The following SLC14A2 variants were observed in gnomAD, a reference collection of about 807,000 sequenced individuals.
SLC14A2 encodes urea transporter 2.
A neutral mutation model predicts 104.6 loss-of-function variants in SLC14A2; 91 were observed. That is an observed-to-expected ratio of 0.87 (90% CI 0.73 to 1.04). The LOEUF (loss-of-function observed/expected upper bound fraction) is 1.04, where lower values mean the gene tolerates loss of function less well. Ranked by LOEUF, SLC14A2 falls within the 50% of genes least tolerant of loss-of-function variation. SLC14A2 has a pLI of 0.00. For missense variants in SLC14A2, 1,189 were observed against 1,156.0 expected, an observed-to-expected ratio of 1.03 and a Z score of -0.41; for synonymous variants, 476 against 466.4, an observed-to-expected ratio of 1.02 and a Z score of -0.27.
At chr18:45,500,464 C>T (rs1455850460) in intron 2 of SLC14A2, among the ~76,000 whole-genome samples, 3 of 151,396 alleles carry the variant, frequency 2.0e-5, no homozygotes, top group Non-Finnish European at 4.4e-5. Flanking sequence ...GTAGTCCCAG[C>T]TACTCGGGAG....
At chr18:45,189,556 G>A in the SLC14A2 span, among the ~76,000 whole-genome samples, 6 of 152,160 alleles carry the variant, frequency 3.9e-5, no homozygotes, top group Admixed American at 1.3e-4. Context: ...TGATTGAGAC[G>A]CTGGGTCTTG....
rs561796486 is a variant in SLC14A2, at chr18:45,262,037, A to G, written c.-125+48846A>G. ...ACAGTCCCACCAACAGTGTAAAAGCATTCCTATTTCTCCACATCCTCTCCA... is the reference window on the plus strand; with the variant it reads ...ACAGTCCCACCAACAGTGTAAAAGCGTTCCTATTTCTCCACATCCTCTCCA... On this transcript the variant is annotated intron_variant, in intron 1 of 20. Transcript: ENST00000586448. 7.3e-3 allele frequency among the ~76,000 whole-genome samples: 1,118 copies of G among 152,224 alleles called. 5 individuals carry two copies. Among genetic ancestry groups the G allele is most frequent in the African/African-American group, 0.018 (757 of 41,530 alleles).
At chr18:45,257,556 G>A (rs1357845017) in intron 1 of SLC14A2, among the ~76,000 whole-genome samples, 1 of 152,142 alleles carries the variant, frequency 6.6e-6, no homozygotes, top group African/African-American at 2.4e-5. Flanking sequence ...ATTAAAATAT[G>A]CAAGTCATGA....
At chr18:45,331,694 A>G (rs1346122592) in intron 1 of SLC14A2, among the ~76,000 whole-genome samples, 1 of 151,922 alleles carries the variant, frequency 6.6e-6, no homozygotes, top group Non-Finnish European at 1.5e-5. Flanking sequence ...CCGTCTCAAA[A>G]AAAAAAAAAA....
At chr18:45,417,312 C>A (rs1568191584) in intron 1 of SLC14A2, among the ~76,000 whole-genome samples, 1 of 152,070 alleles carries the variant, frequency 6.6e-6, no homozygotes, top group Non-Finnish European at 1.5e-5. Flanking sequence ...GGTCCCTAGA[C>A]CTTATTTCTT....
intron 1 of SLC14A2, among the ~76,000 whole-genome samples, chr18:45,474,923 T>C (rs1378835723): frequency 6.6e-6 from 1 of 152,186 alleles, no homozygotes; most frequent in Non-Finnish European, 1.5e-5. Flanking sequence ...TTGCTAGCTT[T>C]TGAATTTGTT....
At chr18:45,285,116 A>C (rs2084800383) in intron 1 of SLC14A2, among the ~76,000 whole-genome samples, 1 of 152,106 alleles carries the variant, frequency 6.6e-6, no homozygotes, top group South Asian at 2.1e-4. Context: ...TTATGTAACT[A>C]TTGTTCCTCA....
At chr18:45,306,084 G>A (rs879676767) in intron 1 of SLC14A2, among the ~76,000 whole-genome samples, 5 of 152,124 alleles carry the variant, frequency 3.3e-5, no homozygotes, top group African/African-American at 4.8e-5. Flanking sequence ...TAGAACAGCC[G>A]CGTCTTCCTT....
chr18:45,440,937 C>T (rs1406791196), intron 1 of SLC14A2, among the ~76,000 whole-genome samples: 1 of 152,106 alleles, frequency 6.6e-6, no homozygotes, highest in Non-Finnish European at 1.5e-5. Context: ...TAAACAGCAT[C>T]CTCCCTGAGG....
chr18:45,418,906 G>T (rs1000928576), intron 1 of SLC14A2, among the ~76,000 whole-genome samples: 1 of 152,036 alleles, frequency 6.6e-6, no homozygotes, highest in Non-Finnish European at 1.5e-5. Context: ...GAGGGGAGAG[G>T]GTCCACTCCT....
intron 10 of SLC14A2, among the ~76,000 whole-genome samples, chr18:45,653,902 G>GC (rs2045784168): frequency 6.6e-6 from 1 of 152,186 alleles, no homozygotes; most frequent in African/African-American, 2.4e-5. Flanking sequence ...AGGCAAATTG[G>GC]CCCCCTGAGG....
the SLC14A2 span, among the ~76,000 whole-genome samples, chr18:45,173,981 G>A: frequency 6.6e-6 from 1 of 152,182 alleles, no homozygotes; most frequent in South Asian, 2.1e-4. Context: ...CTGAATTGGT[G>A]GTCATATATT....
chr18:45,667,296 C>A (rs190404137), intron 13 of SLC14A2, among the ~76,000 whole-genome samples: 3 of 152,284 alleles, frequency 2.0e-5, no homozygotes, highest in Non-Finnish European at 4.4e-5. Flanking sequence ...GCAATACATG[C>A]AAGAGTGTGA....
At position 45,652,673 on chromosome 18, in the gene SLC14A2, T is replaced by C. The variant is rs183089385; in HGVS notation, c.1351+8513T>C. Among the ~76,000 whole-genome samples, 583 of 152,338 alleles carry C rather than the reference T, an allele frequency of 3.8e-3. 2 individuals are homozygous for C. Among genetic ancestry groups the C allele is most frequent in the Non-Finnish European group, 6.8e-3 (460 of 68,030 alleles). ...AGAAAACCTTGTTCTGAAGCGAATT[T>C]CAATTGAGCCTTCAAATAAAGAGTG... On this transcript the variant is annotated intron_variant, in intron 10 of 19. Transcript: ENST00000255226.
chr18:45,618,737 T>C (rs2045116010), intron 1 of SLC14A2, among the ~76,000 whole-genome samples: 2 of 144,860 alleles, frequency 1.4e-5, no homozygotes, highest in Admixed American at 6.9e-5. Flanking sequence ...CATCCCCAGA[T>C]GACCAGGGGA....
At chr18:45,292,571 A>G (rs986190270) in intron 1 of SLC14A2, among the ~76,000 whole-genome samples, 4 of 152,202 alleles carry the variant, frequency 2.6e-5, no homozygotes, top group Non-Finnish European at 5.9e-5. Flanking sequence ...TTGTGGGGGC[A>G]GTTGTACCCA....
At chr18:45,170,412 T>C in the SLC14A2 span, among the ~76,000 whole-genome samples, 1 of 152,180 alleles carries the variant, frequency 6.6e-6, no homozygotes, top group Non-Finnish European at 1.5e-5. Flanking sequence ...TGAAAGGAAG[T>C]TAAAGTAAAG....
intron 1 of SLC14A2, among the ~76,000 whole-genome samples, chr18:45,393,186 T>C (rs1415022758): frequency 6.6e-6 from 1 of 152,210 alleles, no homozygotes; most frequent in Non-Finnish European, 1.5e-5. Flanking sequence ...AGCTTACGTT[T>C]TATTATCTAA....
Position 45,346,923 on chromosome 18 carries a change from C to G in SLC14A2, c.-125+133732C>G, listed in dbSNP as rs376872949. Among the ~76,000 whole-genome samples the G allele has an allele frequency of 5.3e-5, 8 of 151,238 alleles. No homozygotes were observed. The East Asian group carries it at 5.8e-4, about 11-fold the overall frequency. On this transcript the variant is annotated intron_variant, in intron 1 of 20. Coordinates refer to the SLC14A2 transcript ENST00000586448. ...GTTGCAGTGAGCCAAGATCATGTCA[C>G]TGCACTGCACTCCAGCCTGGGCAAC...
Sources: gnomAD v4.1 joint callset for allele counts (sites outside exome capture counted in the v4.1 genomes callset) on GRCh38, gnomAD v4.1.1 for gene constraint, MANE v1.5 for transcripts, NCBI Gene and HGNC (gene_info 2026-07-23, HGNC 2026-07-21) for gene names.